Variants in NHLRC2 observed in about 807,000 individuals in gnomAD.
NHLRC2 encodes the protein NHL repeat-containing protein 2.
NHLRC2 carries 33 observed loss-of-function variants against 68.1 expected under a neutral mutation model. The ratio of observed to expected loss-of-function variants is 0.48; its 90% CI spans 0.37 to 0.65. The LOEUF (loss-of-function observed/expected upper bound fraction) is 0.65, where lower values mean the gene tolerates loss of function less well. Among genes scored for constraint, NHLRC2 ranks in the 30% least tolerant of loss-of-function variants. The pLI is 0.00. For missense variants in NHLRC2, 761 were observed against 853.8 expected, an observed-to-expected ratio of 0.89 and a Z score of 1.35; for synonymous variants, 311 against 309.6, an observed-to-expected ratio of 1.00 and a Z score of -0.05.
In NHLRC2 at chr10:113,912,051, G is replaced by A. The variant is rs973866963; in HGVS notation, c.*3515G>A. The A allele has an allele frequency of 6.6e-6, 1 of 152,036 alleles. No individual in the cohort carries two copies. The highest frequency in any genetic ancestry group is 1.5e-5 in the Non-Finnish European group (1 of 68,000). The allele number at this position is 152,036 out of a possible 1,614,324, so 9.4% of individuals were successfully genotyped here. ...TTGTTTGGAGTCCTTTGATCTACCG[G>A]TTCTCTTAAGTACGTGATTTCGTGA... On this transcript the variant is annotated 3_prime_UTR_variant, in exon 11 of 11. Transcript: ENST00000369301.
chr10:113,917,189 C>T lies in NHLRC2; in HGVS notation c.*8653C>T, dbSNP rs150320447. ...GTGAAATAGATTAAATATTTTCTCT[C>T]TAAAACCATGTTTCTGTTTTAATGT... is the stretch of plus-strand genomic sequence containing the variant. On this transcript the variant is annotated 3_prime_UTR_variant, in exon 11 of 11. Transcript: ENST00000369301. 1.3e-5 allele frequency: 2 copies of T among 152,090 alleles called. No homozygotes were observed. Among genetic ancestry groups the T allele is most frequent in the Non-Finnish European group, 2.9e-5 (2 of 68,012 alleles). The allele number at this position is 152,090 out of a possible 1,614,324, so 9.4% of individuals were successfully genotyped here. A position where few individuals can be genotyped will look rare whatever the true frequency, so the allele number is the denominator to read the frequency against.
chr10:113,892,897 A>G (rs893851611), intron 5 of NHLRC2, among the ~76,000 whole-genome samples: 3 of 152,184 alleles, frequency 2.0e-5, no homozygotes, highest in Admixed American at 6.6e-5. Flanking sequence ...TACCATGAGG[A>G]TAAGAATTAA....
At chr10:113,878,848 A>G (rs761783307) in intron 3 of NHLRC2, among the ~76,000 whole-genome samples, 7 of 151,922 alleles carry the variant, frequency 4.6e-5, no homozygotes, top group Non-Finnish European at 1.0e-4. Flanking sequence ...TTTTCTAGCC[A>G]CTCTGTTACA....
At position 113,855,038 on chromosome 10, in the gene NHLRC2, G is replaced by A; in HGVS notation, c.166G>A (p.Glu56Lys). ...CTGGGAGCAGGACTTGTCAGTACCCGAGTTTCCGGAAGGTGAGGGGCTGGC... is the reference window on the plus strand; with the variant it reads ...CTGGGAGCAGGACTTGTCAGTACCCAAGTTTCCGGAAGGTGAGGGGCTGGC... Reference protein sequence around the residue: ...DGWEQDLSVPEFPEGLEWLNT... With the variant: ...DGWEQDLSVPKFPEGLEWLNT... Residue 56 changes from glutamate (E) to lysine (K), a missense_variant, in exon 1 of 11, where the codon GAG (glutamate) becomes AAG (lysine). Coordinates refer to ENST00000369301, the MANE Select transcript of NHLRC2 (RefSeq NM_198514.4). 1 of 1,552,266 alleles carries A rather than the reference G, an allele frequency of 6.4e-7. No individual in the cohort carries two copies. The highest frequency in any genetic ancestry group is 8.7e-7 in the Non-Finnish European group (1 of 1,147,278).
intron 1 of NHLRC2, among the ~76,000 whole-genome samples, chr10:113,855,557 T>A (rs1335275347): frequency 6.6e-6 from 1 of 152,122 alleles, no homozygotes; most frequent in Non-Finnish European, 1.5e-5. Context: ...AACCTCCGCC[T>A]CCCAGGTTCA....
chr10:113,912,655 A>G lies in NHLRC2; in HGVS notation c.*4119A>G, dbSNP rs147941040. 9.2e-5 allele frequency: 14 copies of G among 152,344 alleles called. No individual in the cohort carries two copies. The highest frequency in any genetic ancestry group is 2.0e-4 in the Admixed American group (3 of 15,300). 9.4% of individuals were successfully genotyped at this position (152,344 alleles called of 1,614,324 possible). On this transcript the variant is annotated 3_prime_UTR_variant, in exon 11 of 11. Coordinates refer to ENST00000369301, the MANE Select transcript of NHLRC2 (RefSeq NM_198514.4). Reference sequence around the variant, plus strand: ...ATGGTGGTGCTTCACAAAATCTTCAAAGTGCTTTCATGTGTATTGCCTCAT... The same window carrying G: ...ATGGTGGTGCTTCACAAAATCTTCAGAGTGCTTTCATGTGTATTGCCTCAT...
At chr10:113,880,883 A>G (rs1267559651) in intron 4 of NHLRC2, among the ~76,000 whole-genome samples, 1 of 151,912 alleles carries the variant, frequency 6.6e-6, no homozygotes, top group Non-Finnish European at 1.5e-5. Context: ...GGGTTAATAC[A>G]TTAAAGCAGA....
intron 2 of NHLRC2, among the ~76,000 whole-genome samples, chr10:113,866,743 C>G (rs148990059): frequency 6.6e-6 from 1 of 151,840 alleles, no homozygotes; most frequent in Non-Finnish European, 1.5e-5. Flanking sequence ...CCCGCCTCCC[C>G]GCCTCCACCC....
At position 113,910,893 on chromosome 10, in the gene NHLRC2, A is replaced by G. The variant is rs1846322470; in HGVS notation, c.*2357A>G. The G allele has an allele frequency of 1.3e-5, 2 of 151,440 alleles. No homozygotes were observed. The highest frequency in any genetic ancestry group is 4.9e-5 in the African/African-American group (2 of 40,752). 9.4% of individuals were successfully genotyped at this position (151,440 alleles called of 1,614,324 possible). ...GTTTTTTACATTAAAAGTATTATTT[A>G]TAGTAGACTAATATGATTTTGAATA... On this transcript the variant is annotated 3_prime_UTR_variant, in exon 11 of 11. Coordinates refer to ENST00000369301, the MANE Select transcript of NHLRC2 (RefSeq NM_198514.4).
intron 10 of NHLRC2, among the ~76,000 whole-genome samples, chr10:113,905,361 A>T (rs78226975): frequency 0.019 from 2,904 of 152,270 alleles, 64 homozygotes; most frequent in East Asian, 0.1. Flanking sequence ...AGAATCTTAG[A>T]GTTAAAAAGT....
At chr10:113,908,236 T>C (rs1232582854) in intron 10 of NHLRC2, 44 bp from the exon 11 acceptor site, 9 of 1,475,402 alleles carry the variant, frequency 6.1e-6, no homozygotes, top group Non-Finnish European at 8.5e-6. Flanking sequence ...CCCAGTTTTC[T>C]ACTTATCTTA....
At position 113,902,580 on chromosome 10, in the gene NHLRC2, C is replaced by A; in HGVS notation, c.1481C>A (p.Ser494Tyr). 6.2e-7 allele frequency: 1 copy of A among 1,603,028 alleles called. No homozygotes were observed. Among genetic ancestry groups the A allele is most frequent in the Non-Finnish European group, 8.5e-7 (1 of 1,176,692 alleles). Residue 494 changes from serine (S) to tyrosine (Y), a missense_variant, in exon 8 of 11, where the codon TCC becomes TAC. Transcript: ENST00000369301. ...AGGAATTTACTTTATGTTGCAGACTCCTACAATCACAAGGTGAGTCGTGAC... is the reference window on the plus strand; with the variant it reads ...AGGAATTTACTTTATGTTGCAGACTACTACAATCACAAGGTGAGTCGTGAC... ...KKRNLLYVAD[S>Y]YNHKIKVVDP...
chr10:113,902,329 C>T, intron 7 of NHLRC2, 142 bp from the exon 8 acceptor site: 1 of 604,468 alleles, frequency 1.7e-6, no homozygotes, highest in Non-Finnish European at 2.9e-6. Context: ...ATGAAGTATC[C>T]AACCCTATTT....
chr10:113,915,250 A>G lies in NHLRC2; in HGVS notation c.*6714A>G, dbSNP rs747313715. On this transcript the variant is annotated 3_prime_UTR_variant, in exon 11 of 11. Coordinates refer to ENST00000369301, the MANE Select transcript of NHLRC2 (RefSeq NM_198514.4). ...AGGAAAATATTGCAACTATTTGCAA[A>G]CATACTTCCCTACCTGTACAAGCAG... 8.8e-6 allele frequency: 4 copies of G among 456,304 alleles called. 1 individual carries two copies. The highest frequency in any genetic ancestry group is 6.2e-5 in the South Asian group (4 of 64,566). The allele number at this position is 456,304 out of a possible 1,614,324, so 28.3% of individuals were successfully genotyped here. A position where few individuals can be genotyped will look rare whatever the true frequency, so the allele number is the denominator to read the frequency against.
intron 6 of NHLRC2, among the ~76,000 whole-genome samples, chr10:113,899,367 T>C (rs909041560): frequency 6.6e-6 from 1 of 152,238 alleles, no homozygotes; most frequent in African/African-American, 2.4e-5. Context: ...AATAGAAAGC[T>C]GCTTTTATAT....
intron 2 of NHLRC2, among the ~76,000 whole-genome samples, chr10:113,874,521 T>A (rs954036000): frequency 6.6e-6 from 1 of 151,190 alleles, no homozygotes; most frequent in Non-Finnish European, 1.5e-5. Context: ...CAGCAGTTTG[T>A]TTATGATGTG....
intron 5 of NHLRC2, among the ~76,000 whole-genome samples, chr10:113,886,180 A>G (rs1312191034): frequency 6.6e-6 from 1 of 152,140 alleles, no homozygotes; most frequent in Non-Finnish European, 1.5e-5. Context: ...AAATTTAACC[A>G]AGGAGGTGGA....
intron 4 of NHLRC2, among the ~76,000 whole-genome samples, chr10:113,882,752 G>A (rs1846046598): frequency 6.6e-6 from 1 of 151,670 alleles, no homozygotes. Context: ...GTTGTTGTAA[G>A]AATCCATTGC....
rs1414764945 is a variant in NHLRC2, at chr10:113,917,126, C to T, written c.*8590C>T. On this transcript the variant is annotated 3_prime_UTR_variant, in exon 11 of 11. Transcript: ENST00000369301. ...AATGTGTTTATACTGTATATGGAAA[C>T]CTAATGCCTCTTTTCTAAAGCTTTG... is the stretch of plus-strand genomic sequence containing the variant. The T allele has an allele frequency of 2.6e-5, 4 of 152,138 alleles. No homozygotes were observed. Among genetic ancestry groups the T allele is most frequent in the Non-Finnish European group, 5.9e-5 (4 of 67,964 alleles). 9.4% of individuals were successfully genotyped at this position (152,138 alleles called of 1,614,324 possible).
Sources: allele counts gnomAD v4.1 joint callset (sites outside exome capture counted in the v4.1 genomes callset), GRCh38; gene constraint gnomAD v4.1.1; transcripts MANE v1.5; gene names NCBI Gene and HGNC (gene_info 2026-07-23, HGNC 2026-07-21).